ME1: variants seen among roughly 807,000 people sequenced by gnomAD.
ME1 encodes the protein NADP-dependent malic enzyme.
In ME1, 74 loss-of-function variants were observed where a neutral mutation model predicts 66.4. That is an observed-to-expected ratio of 1.11 (90% CI 0.92 to 1.35). The LOEUF (loss-of-function observed/expected upper bound fraction) is 1.35. Ranked by LOEUF, ME1 falls within the 40% of genes most tolerant of loss-of-function variation. ME1 has a pLI of 0.00. For missense variants in ME1, 750 were observed against 694.1 expected, an observed-to-expected ratio of 1.08 and a Z score of -0.90; for synonymous variants, 251 against 235.6, an observed-to-expected ratio of 1.07 and a Z score of -0.60.
chr6:83,247,596 T>G (rs1790648177), intron 7 of ME1, among the ~76,000 whole-genome samples: 1 of 152,022 alleles, frequency 6.6e-6, no homozygotes, highest in Non-Finnish European at 1.5e-5. Flanking sequence ...ATGGTAAGGC[T>G]GTAATGGTTA....
At chr6:83,393,432 G>A (rs1769667808) in intron 3 of ME1, 1 of 610,346 alleles carries the variant, frequency 1.6e-6, no homozygotes, top group Non-Finnish European at 2.9e-6. Flanking sequence ...ACCAGCCCCA[G>A]CGACAGCACG....
chr6:83,346,602 A>G (rs970415015), intron 4 of ME1, among the ~76,000 whole-genome samples: 1 of 152,212 alleles, frequency 6.6e-6, no homozygotes, highest in African/African-American at 2.4e-5. Context: ...TAACTTTTCA[A>G]TCAAGAAGAG....
rs146064424 is a variant in ME1 at position 83,334,085 on chromosome 6, G to C, written c.600+12088C>G. On this transcript the variant is annotated intron_variant, in intron 5 of 13. Coordinates refer to ENST00000369705, the MANE Select transcript of ME1 (RefSeq NM_002395.6). ...TCTTCTCACTAGGGAGTGCCAGACA[G>C]TGGGCGCAGGCCAGTGTGTGCGTGC... Among the ~76,000 whole-genome samples the C allele has an allele frequency of 3.8e-3, 584 of 152,260 alleles. 7 individuals carry two copies. The highest frequency in any genetic ancestry group is 0.013 in the African/African-American group (548 of 41,522).
At chr6:83,267,588 A>T (rs1223619260) in intron 6 of ME1, among the ~76,000 whole-genome samples, 3 of 152,170 alleles carry the variant, frequency 2.0e-5, no homozygotes, top group Non-Finnish European at 4.4e-5. Context: ...ACATGACAAG[A>T]TGTATAAACT....
intron 3 of ME1, 97 bp downstream of exon 3, chr6:83,398,270 T>C (rs1769777160): frequency 4.6e-6 from 4 of 868,150 alleles, no homozygotes; most frequent in Non-Finnish European, 5.1e-6. Flanking sequence ...AATTTTATTG[T>C]CAAATTTAAA....
chr6:83,425,640 C>T (rs1320265235), intron 1 of ME1, among the ~76,000 whole-genome samples: 1 of 152,160 alleles, frequency 6.6e-6, no homozygotes, highest in Non-Finnish European at 1.5e-5. Flanking sequence ...GTCCCTCCCA[C>T]AACACATGGG....
At chr6:83,253,328 T>C (rs1238082662) in intron 7 of ME1, among the ~76,000 whole-genome samples, 1 of 152,208 alleles carries the variant, frequency 6.6e-6, no homozygotes, top group Non-Finnish European at 1.5e-5. Context: ...CTTTTACTTT[T>C]AAGCATTGAA....
chr6:83,402,059 T>C (rs1003255925), intron 2 of ME1, among the ~76,000 whole-genome samples: 1 of 152,216 alleles, frequency 6.6e-6, no homozygotes, highest in African/African-American at 2.4e-5. Flanking sequence ...AGGAACTCAC[T>C]TTAGAGCAAA....
At chr6:83,364,491 A>G (rs2324416) in intron 3 of ME1, among the ~76,000 whole-genome samples, 48,658 of 151,982 alleles carry the variant, frequency 0.32, 8,163 homozygotes, top group Middle Eastern at 0.5. Flanking sequence ...TACATATCCC[A>G]AACTCATCTT....
At chr6:83,269,979 T>G (rs2128530929) in intron 6 of ME1, among the ~76,000 whole-genome samples, 1 of 152,292 alleles carries the variant, frequency 6.6e-6, no homozygotes. Flanking sequence ...GCTCTAAAAC[T>G]TCTTGTGAAA....
chr6:83,305,062 T>A (rs1767800369), intron 6 of ME1, among the ~76,000 whole-genome samples: 1 of 152,142 alleles, frequency 6.6e-6, no homozygotes, highest in Admixed American at 6.5e-5. Context: ...TGCTAGTAAT[T>A]CAATAAAAAT....
chr6:83,407,332 T>C (rs1325724725), intron 2 of ME1, among the ~76,000 whole-genome samples: 1 of 152,204 alleles, frequency 6.6e-6, no homozygotes, highest in Non-Finnish European at 1.5e-5. Flanking sequence ...AAAAATATTA[T>C]ATTTATCTTT....
chr6:83,426,183 T>C (rs2127698347), intron 1 of ME1, among the ~76,000 whole-genome samples: 1 of 152,314 alleles, frequency 6.6e-6, no homozygotes, highest in Middle Eastern at 3.4e-3. Context: ...AGTTTTAGAA[T>C]GTCCATTCCT....
chr6:83,243,769 A>ATTATATTATATATTATATAATTATC (rs1257907354), intron 7 of ME1, among the ~76,000 whole-genome samples: 23 of 125,628 alleles, frequency 1.8e-4, no homozygotes, highest in African/African-American at 6.8e-4. Context: ...ATATAATTAT[A>ATTATATTATATATTATATAATTATC]TTATATTTAT....
chr6:83,367,174 T>C (rs940084849), intron 3 of ME1, among the ~76,000 whole-genome samples: 1 of 152,170 alleles, frequency 6.6e-6, no homozygotes, highest in Non-Finnish European at 1.5e-5. Context: ...ATAATCTTTT[T>C]TTTTCTGAGC....
chr6:83,412,654 T>C (rs1290136513), intron 1 of ME1, among the ~76,000 whole-genome samples: 2 of 135,498 alleles, frequency 1.5e-5, no homozygotes, highest in African/African-American at 5.8e-5. Context: ...ACTGAAATAT[T>C]ACCCAACAGT....
intron 3 of ME1, among the ~76,000 whole-genome samples, chr6:83,379,527 C>A (rs529783264): frequency 6.6e-6 from 1 of 151,904 alleles, no homozygotes; most frequent in South Asian, 2.1e-4. Flanking sequence ...TTGTAAACAC[C>A]GTTTTCAGTA....
At chr6:83,330,542 G>A (rs144078486) in intron 5 of ME1, among the ~76,000 whole-genome samples, 6 of 152,182 alleles carry the variant, frequency 3.9e-5, no homozygotes, top group Admixed American at 1.3e-4. Flanking sequence ...TAATTCTGAA[G>A]TGGTGAGAAC....
At chr6:83,283,037 G>A (rs1767329320) in intron 6 of ME1, among the ~76,000 whole-genome samples, 1 of 150,912 alleles carries the variant, frequency 6.6e-6, no homozygotes. Context: ...GACCATCCTG[G>A]CTAACAAGGT....
Sources: allele counts gnomAD v4.1 joint callset (sites outside exome capture counted in the v4.1 genomes callset), GRCh38; gene constraint gnomAD v4.1.1; transcripts MANE v1.5; gene names NCBI Gene and HGNC (gene_info 2026-07-23, HGNC 2026-07-21).